PDE4C: variants seen among roughly 807,000 people sequenced by gnomAD.
PDE4C encodes the protein phosphodiesterase 4C, also known as 3',5'-cyclic-AMP phosphodiesterase 4C.
Under a neutral mutation model 63.9 loss-of-function variants are expected in PDE4C, and 50 were observed. The ratio of observed to expected loss-of-function variants is 0.78; its 90% CI spans 0.62 to 0.99. The LOEUF (loss-of-function observed/expected upper bound fraction) is 0.99, where lower values mean the gene tolerates loss of function less well. Among genes scored for constraint, PDE4C ranks in the 50% least tolerant of loss-of-function variants. The probability of loss-of-function intolerance (pLI) is 0.00; values close to 1 mark genes in which losing one functional copy is unlikely to be tolerated. For synonymous variants in PDE4C, 377 were observed against 385.1 expected (o/e 0.98, Z 0.25); for missense variants, 777 against 899.1 (o/e 0.86, Z 1.74).
Position 18,226,448 on chromosome 19 carries a change from C to T in PDE4C, c.-33G>A. Reference sequence around the variant, plus strand: ...ACTGCGTGGAGGCTGGACCGAGCGCCGGCTGCGCGGGACCTTTTCTGGACA... The same window carrying T: ...ACTGCGTGGAGGCTGGACCGAGCGCTGGCTGCGCGGGACCTTTTCTGGACA... On this transcript the variant is annotated 5_prime_UTR_variant, in exon 1 of 15. Transcript: ENST00000262805. 2.9e-6 allele frequency: 4 copies of T among 1,362,500 alleles called. No individual in the cohort carries two copies. Among genetic ancestry groups the T allele is most frequent in the East Asian group, 3.1e-5 (1 of 32,046 alleles). The allele number at this position is 1,362,500 out of a possible 1,614,324, so 84.4% of individuals were successfully genotyped here.
intron 13 of PDE4C, 106 bp downstream of exon 13, chr19:18,213,262 C>A (rs184973874): frequency 6.1e-5 from 63 of 1,030,600 alleles, no homozygotes; most frequent in Middle Eastern, 3.8e-4. Flanking sequence ...CCAGCCTGGG[C>A]GACAGAGTGA....
At chr19:18,214,811 G>A (rs1456778866) in intron 12 of PDE4C, among the ~76,000 whole-genome samples, 1 of 151,930 alleles carries the variant, frequency 6.6e-6, no homozygotes, top group Non-Finnish European at 1.5e-5. Context: ...TTAGCCGGGT[G>A]TGGTGGCAGG....
chr19:18,249,903 C>T (rs1969210663), upstream of PDE4C: 8 of 383,222 alleles, frequency 2.1e-5, no homozygotes, highest in Non-Finnish European at 9.2e-6. Context: ...TCTGTCCCTG[C>T]CTTGAGTCTG....
the PDE4C span, among the ~76,000 whole-genome samples, chr19:18,254,677 C>G: frequency 6.6e-6 from 1 of 152,136 alleles, no homozygotes; most frequent in Non-Finnish European, 1.5e-5. Flanking sequence ...GGTAGGACAC[C>G]GGTCAGAGAG....
At chr19:18,231,469 G>A (rs1049318223), upstream of PDE4C, among the ~76,000 whole-genome samples, 1 of 152,144 alleles carries the variant, frequency 6.6e-6, no homozygotes, top group Non-Finnish European at 1.5e-5. Flanking sequence ...GGGGCTCCTG[G>A]GTCACCTGAG....
chr19:18,218,714 A>G (rs1968324875), intron 9 of PDE4C, among the ~76,000 whole-genome samples: 1 of 152,090 alleles, frequency 6.6e-6, no homozygotes, highest in African/African-American at 2.4e-5. Context: ...TTCTCTCCAG[A>G]TTTCTCTCCT....
intron 12 of PDE4C, among the ~76,000 whole-genome samples, chr19:18,214,600 C>G (rs1246432959): frequency 1.3e-5 from 2 of 152,080 alleles, no homozygotes; most frequent in Non-Finnish European, 2.9e-5. Context: ...CCTCAAACTT[C>G]CATGTAGCCA....
intron 1 of PDE4C, among the ~76,000 whole-genome samples, chr19:18,242,829 T>A (rs1031012410): frequency 7.4e-5 from 9 of 121,528 alleles, no homozygotes; most frequent in African/African-American, 2.8e-4. Context: ...AGGGCCAGGG[T>A]GGAGGGAAGT....
intron 12 of PDE4C, among the ~76,000 whole-genome samples, chr19:18,215,348 T>C (rs1968142612): frequency 6.6e-6 from 1 of 152,094 alleles, no homozygotes; most frequent in Non-Finnish European, 1.5e-5. Context: ...TGCCTGCAGG[T>C]CCCTAGTCAA....
chr19:18,255,107 G>A, the PDE4C span: 10 of 394,334 alleles, frequency 2.5e-5, no homozygotes, highest in African/African-American at 1.4e-4. This position sits in a 1 kb window ranked among gnomAD's most constrained non-coding sequence, Gnocchi z 4.6. Flanking sequence ...GAGGGTTGGC[G>A]GACCAGCGTG....
intron 1 of PDE4C, among the ~76,000 whole-genome samples, chr19:18,245,623 G>T (rs900286426): frequency 6.6e-6 from 1 of 152,054 alleles, no homozygotes; most frequent in African/African-American, 2.4e-5. Context: ...TGCCCAGCTC[G>T]AGCAGTCTCA....
intron 1 of PDE4C, among the ~76,000 whole-genome samples, chr19:18,247,510 G>T (rs529651727): frequency 2.0e-5 from 3 of 152,276 alleles, no homozygotes; most frequent in Non-Finnish European, 4.4e-5. Context: ...TGGCCAGGTT[G>T]GTCTTGAACT....
intron 1 of PDE4C, among the ~76,000 whole-genome samples, chr19:18,223,043 G>A (rs116058934): frequency 3.3e-5 from 5 of 150,804 alleles, no homozygotes; most frequent in South Asian, 2.1e-4. Flanking sequence ...TTTTTGAGAC[G>A]AAATATTGCT....
At chr19:18,234,816 C>T (rs1231944013), upstream of PDE4C, among the ~76,000 whole-genome samples, 2 of 152,064 alleles carry the variant, frequency 1.3e-5, no homozygotes, top group Non-Finnish European at 2.9e-5. Context: ...AATTCAAGCC[C>T]CAGTACCATC....
chr19:18,248,900 C>T (rs1303630944), upstream of PDE4C, among the ~76,000 whole-genome samples: 1 of 151,904 alleles, frequency 6.6e-6, no homozygotes, highest in Non-Finnish European at 1.5e-5. Context: ...TGGCAGGTGC[C>T]TGTAATCCCA....
rs1968461818 is a variant in PDE4C at position 18,221,114 on chromosome 19, C to CCTTTT, written c.439_440insAAAAG (p.Gly147GlufsTer34). ...CCCGCCCTCTACCTACTTGGCTGCTCCTAGGCATTGCTGGCGGGCAAGGGC... is the reference window on the plus strand; with the variant it reads ...CCCGCCCTCTACCTACTTGGCTGCTCCTTTTCTAGGCATTGCTGGCGGGCAAGGGC... On this transcript the variant is annotated frameshift_variant, in exon 4 of 15. Transcript: ENST00000262805. LOFTEE classifies it high-confidence loss of function. The CCTTTT allele has an allele frequency of 7.6e-6, 12 of 1,578,526 alleles. No homozygotes were observed. The highest frequency in any genetic ancestry group is 1.0e-5 in the Non-Finnish European group (12 of 1,161,714).
upstream of PDE4C, chr19:18,250,109 T>G (rs943405582): frequency 1.3e-5 from 5 of 398,588 alleles, no homozygotes; most frequent in African/African-American, 8.2e-5. Context: ...CATGCCCCCA[T>G]CTCTGTTGGC....
intron 2 of PDE4C, among the ~76,000 whole-genome samples, 184 bp from the exon 3 acceptor site, chr19:18,221,481 ACTTT>A (rs1419514126): frequency 6.6e-6 from 1 of 151,870 alleles, no homozygotes. Flanking sequence ...CCATTCACTC[ACTTT>A]ATCGGCATCT....
chr19:18,232,953 C>A, exon 1 of PDE4C: 1 of 1,454,526 alleles, frequency 6.9e-7, no homozygotes. Context: ...CACCTACCGC[C>A]TGCAGGAGGA....
Sources: gnomAD v4.1 joint callset for allele counts (sites outside exome capture counted in the v4.1 genomes callset) on GRCh38, gnomAD v4.1.1 for gene constraint, Gnocchi (gnomAD v3.1) non-coding constraint, MANE v1.5 for transcripts, NCBI Gene and HGNC (gene_info 2026-07-23, HGNC 2026-07-21) for gene names.